EVC2: variants seen among roughly 807,000 people sequenced by gnomAD.
The protein encoded by EVC2 is limbin.
EVC2 carries 148 observed loss-of-function variants against 149.3 expected under a neutral mutation model. The observed-to-expected ratio is 0.99, with a 90% CI of 0.87 to 1.14. The LOEUF (loss-of-function observed/expected upper bound fraction) is 1.14. Among genes scored for constraint, EVC2 ranks in the 50% most tolerant of loss-of-function variants. EVC2 has a pLI of 0.00. For synonymous variants in EVC2, 776 were observed against 649.9 expected, an observed-to-expected ratio of 1.19 and a Z score of -2.95; for missense variants, 1,854 against 1,627.3, an observed-to-expected ratio of 1.14 and a Z score of -2.40.
chr4:5,532,215 G>C, the EVC2 span, among the ~76,000 whole-genome samples: 88 of 152,180 alleles, frequency 5.8e-4, no homozygotes, highest in Non-Finnish European at 1.1e-3. Context: ...TGAGGCTGCA[G>C]CTCCAGCCTA....
chr4:5,622,434 G>C lies in EVC2; in HGVS notation c.2501+103C>G, dbSNP rs1560171873. ...AACGCTGGTAATCTCATCTGTCTGGGGCCAGGTGTCTCATGCTTGGCCATC... is the reference window on the plus strand; with the variant it reads ...AACGCTGGTAATCTCATCTGTCTGGCGCCAGGTGTCTCATGCTTGGCCATC... On this transcript the variant is annotated intron_variant, in intron 14 of 21. Transcript: ENST00000344408. The surrounding 1 kb of genome is among the most constrained non-coding windows in gnomAD (Gnocchi z 5.8). The C allele has an allele frequency of 7.6e-7, 1 of 1,316,354 alleles. No individual in the cohort carries two copies. Among genetic ancestry groups the C allele is most frequent in the Non-Finnish European group, 1.1e-6 (1 of 931,706 alleles). The allele number at this position is 1,316,354 out of a possible 1,614,324, so 81.5% of individuals were successfully genotyped here.
chr4:5,605,773 C>A (rs2108815975), intron 16 of EVC2, among the ~76,000 whole-genome samples: 1 of 152,294 alleles, frequency 6.6e-6, no homozygotes, highest in East Asian at 1.9e-4. Flanking sequence ...GAGGCCAGTG[C>A]AGGTGGCCAG....
At chr4:5,648,064 G>A (rs969210045) in intron 9 of EVC2, among the ~76,000 whole-genome samples, 40 of 152,128 alleles carry the variant, frequency 2.6e-4, no homozygotes, top group African/African-American at 9.2e-4. Flanking sequence ...CATTTTCTGG[G>A]CCCATGTGAT....
chr4:5,623,044 C>T, intron 13 of EVC2, 53 bp from the exon 14 acceptor site: 2 of 1,555,088 alleles, frequency 1.3e-6, no homozygotes, highest in Middle Eastern at 1.8e-4. Flanking sequence ...CGGGTACAGT[C>T]CTTTGGCTGA....
At chr4:5,598,238 C>G (rs1713636029) in intron 16 of EVC2, among the ~76,000 whole-genome samples, 1 of 151,804 alleles carries the variant, frequency 6.6e-6, no homozygotes, top group Non-Finnish European at 1.5e-5. Flanking sequence ...CATATGGAAC[C>G]AAAAAAGAGC....
chr4:5,630,872 A>G (rs1464638741), intron 11 of EVC2, among the ~76,000 whole-genome samples: 1 of 152,224 alleles, frequency 6.6e-6, no homozygotes, highest in Non-Finnish European at 1.5e-5. Context: ...ATAAAATAAA[A>G]TAAGAGTTTG....
chr4:5,691,195 C>G, intron 4 of EVC2, 70 bp downstream of exon 4: 1 of 1,356,466 alleles, frequency 7.4e-7, no homozygotes. Flanking sequence ...AAATACATGA[C>G]TCTAATAAAA....
intron 9 of EVC2, among the ~76,000 whole-genome samples, chr4:5,661,899 T>C (rs1196657609): frequency 6.6e-6 from 1 of 152,260 alleles, no homozygotes; most frequent in African/African-American, 2.4e-5. Flanking sequence ...CAATACCTAC[T>C]TCATGGGCTT....
chr4:5,649,947 T>C (rs1717993541), intron 9 of EVC2, among the ~76,000 whole-genome samples: 1 of 152,184 alleles, frequency 6.6e-6, no homozygotes, highest in African/African-American at 2.4e-5. Context: ...AGAGGTTAAA[T>C]GAGAGTAAAA....
chr4:5,652,372 G>A (rs1430483379), intron 9 of EVC2, among the ~76,000 whole-genome samples: 3 of 152,140 alleles, frequency 2.0e-5, no homozygotes, highest in African/African-American at 4.8e-5. Flanking sequence ...ATGGATTTCC[G>A]GTTAAGGACA....
chr4:5,677,253 G>C lies in EVC2; in HGVS notation c.870+4007C>G, dbSNP rs930045814. Among the ~76,000 whole-genome samples the C allele has an allele frequency of 6.6e-6, 1 of 151,890 alleles. No individual in the cohort carries two copies. Among genetic ancestry groups the C allele is most frequent in the African/African-American group, 2.4e-5 (1 of 41,420 alleles). ...AGTTGGGGAAACTGAGGCCCTCAGA[G>C]GTAAGTGACGTGCCCAAGCTCACAT... is the stretch of plus-strand genomic sequence containing the variant. On this transcript the variant is annotated intron_variant, in intron 7 of 21. Transcript: ENST00000344408. The surrounding 1 kb of genome is among the most constrained non-coding windows in gnomAD (Gnocchi z 4.3).
At position 5,562,609 on chromosome 4, in the gene EVC2, G is replaced by T. The variant is rs1199409931; in HGVS notation, c.*239C>A. 7 of 1,397,402 alleles carry T rather than the reference G, an allele frequency of 5.0e-6. No individual in the cohort carries two copies. The highest frequency in any genetic ancestry group is 6.5e-6 in the Non-Finnish European group (7 of 1,077,152). The allele number at this position is 1,397,402 out of a possible 1,614,324, so 86.6% of individuals were successfully genotyped here. ...GGGGTCTCCTCCAGGGCCCTGGGGA[G>T]GTGGGGCTGAAAGAAGGAGTGTTTA... On this transcript the variant is annotated 3_prime_UTR_variant, in exon 22 of 22. Coordinates refer to ENST00000344408, the MANE Select transcript of EVC2 (RefSeq NM_147127.5). The surrounding 1 kb of genome is among the most constrained non-coding windows in gnomAD (Gnocchi z 4.3).
At chr4:5,590,889 A>C (rs1712735671) in intron 16 of EVC2, among the ~76,000 whole-genome samples, 1 of 152,200 alleles carries the variant, frequency 6.6e-6, no homozygotes, top group Non-Finnish European at 1.5e-5. Context: ...GGAAGCAAAC[A>C]CATCCTTCTT....
intron 7 of EVC2, among the ~76,000 whole-genome samples, chr4:5,671,399 A>C (rs934702708): frequency 2.6e-5 from 4 of 152,224 alleles, no homozygotes; most frequent in African/African-American, 9.6e-5. Flanking sequence ...GCAGCAGGGC[A>C]GGATTTTGGA....
chr4:5,618,359 G>C lies in EVC2; in HGVS notation c.2706+119C>G, dbSNP rs1468359213. On this transcript the variant is annotated intron_variant, in intron 15 of 21. Coordinates refer to ENST00000344408, the MANE Select transcript of EVC2 (RefSeq NM_147127.5). This position sits in a 1 kb window ranked among gnomAD's most constrained non-coding sequence, Gnocchi z 4.4. ...TGGACACCAATGCAGCCAGAGAGGA[G>C]AGGATAGGGGAGCATGAGGTGAGAT... The C allele has an allele frequency of 9.0e-7, 1 of 1,105,754 alleles. No homozygotes were observed. The highest frequency in any genetic ancestry group is 1.5e-5 in the African/African-American group (1 of 64,922). The allele number at this position is 1,105,754 out of a possible 1,614,324, so 68.5% of individuals were successfully genotyped here.
At chr4:5,595,155 T>C (rs898477767) in intron 16 of EVC2, among the ~76,000 whole-genome samples, 1 of 152,090 alleles carries the variant, frequency 6.6e-6, no homozygotes, top group Non-Finnish European at 1.5e-5. Context: ...AAGGATATTA[T>C]CCAGGAGAAC....
chr4:5,576,294 A>T lies in EVC2; in HGVS notation c.3218T>A (p.Val1073Asp), dbSNP rs149527560. 6.2e-7 allele frequency: 1 copy of T among 1,614,014 alleles called. No individual in the cohort carries two copies. Among genetic ancestry groups the T allele is most frequent in the African/African-American group, 1.3e-5 (1 of 74,880 alleles). ...EVDSERQVST[V>D]LHQALSKSQT... ...GCTCTTGCTCAGGGCTTGGTGCAGG[A>T]CAGTAGAGACCTGCCTTTCAGAATC... Residue 1073 changes from valine to aspartate, a missense_variant, in exon 18 of 22, where the codon GTC becomes GAC. By Grantham distance (152) the Val-to-Asp change is radical. Transcript: ENST00000344408. This position sits in a 1 kb window ranked among gnomAD's most constrained non-coding sequence, Gnocchi z 4.5.
At chr4:5,568,072 T>G (rs1360302649) in intron 20 of EVC2, among the ~76,000 whole-genome samples, 1 of 152,092 alleles carries the variant, frequency 6.6e-6, no homozygotes, top group Non-Finnish European at 1.5e-5. Context: ...CACATTTACA[T>G]ACCAACACAC....
intron 3 of EVC2, among the ~76,000 whole-genome samples, 166 bp from the exon 4 acceptor site, chr4:5,691,499 G>C (rs1342882607): frequency 3.3e-5 from 5 of 152,196 alleles, no homozygotes; most frequent in African/African-American, 4.8e-5. Flanking sequence ...TAAAGGATTA[G>C]AAATTAAAAC....
Sources: gnomAD v4.1 joint callset for allele counts (sites outside exome capture counted in the v4.1 genomes callset) on GRCh38, gnomAD v4.1.1 for gene constraint, Gnocchi (gnomAD v3.1) non-coding constraint, MANE v1.5 for transcripts, NCBI Gene and HGNC (gene_info 2026-07-23, HGNC 2026-07-21) for gene names.